DNAH6: variants seen among roughly 807,000 people sequenced by gnomAD.
DNAH6 encodes dynein axonemal heavy chain 6.
A neutral mutation model predicts 491.4 loss-of-function variants in DNAH6; 340 were observed. The ratio of observed to expected loss-of-function variants is 0.69; its 90% CI spans 0.63 to 0.76. DNAH6 has a LOEUF of 0.76. DNAH6 is among the 30% of genes least tolerant of loss of function. The pLI is 0.00. For missense variants in DNAH6, 4,443 were observed against 4,972.2 expected (o/e 0.89, Z 3.20); for synonymous variants, 1,603 against 1,686.1 (o/e 0.95, Z 1.21).
chr2:84,530,516 G>T (rs1677066646), intron 4 of DNAH6, among the ~76,000 whole-genome samples: 1 of 152,154 alleles, frequency 6.6e-6, no homozygotes, highest in South Asian at 2.1e-4. Context: ...GATATATCGT[G>T]CAAGACCTTG....
intron 65 of DNAH6, among the ~76,000 whole-genome samples, chr2:84,783,531 T>C (rs1214626069): frequency 6.6e-6 from 1 of 152,234 alleles, no homozygotes; most frequent in African/African-American, 2.4e-5. Context: ...ACAGTGTTAG[T>C]ATTGCTCTAG....
chr2:84,560,443 C>CT (rs66763177), intron 11 of DNAH6, among the ~76,000 whole-genome samples: 1 of 147,700 alleles, frequency 6.8e-6, no homozygotes, highest in African/African-American at 2.5e-5. Flanking sequence ...AAATAGTTTT[C>CT]TTTTTTTTTT....
the DNAH6 span, among the ~76,000 whole-genome samples, chr2:84,485,020 A>T: frequency 6.6e-6 from 1 of 152,196 alleles, no homozygotes; most frequent in Admixed American, 6.5e-5. Flanking sequence ...AGCTTTTGCT[A>T]ACAGTCTAAC....
chr2:84,649,173 A>G (rs546019997), intron 33 of DNAH6, among the ~76,000 whole-genome samples: 57 of 152,250 alleles, frequency 3.7e-4, no homozygotes, highest in Non-Finnish European at 4.1e-4. Context: ...ACAGTATAGC[A>G]TGAAGATTAA....
chr2:84,618,142 T>G (rs1434160943), intron 23 of DNAH6, among the ~76,000 whole-genome samples: 1 of 152,094 alleles, frequency 6.6e-6, no homozygotes, highest in African/African-American at 2.4e-5. Flanking sequence ...TAGAGCAAGT[T>G]TCATGCAGGG....
At chr2:84,575,616 G>A (rs567868995) in intron 12 of DNAH6, among the ~76,000 whole-genome samples, 1 of 152,330 alleles carries the variant, frequency 6.6e-6, no homozygotes, top group East Asian at 1.9e-4. Flanking sequence ...TCTCCGCGGT[G>A]GCTCACGCCT....
chr2:84,717,531 C>T (rs770329786), intron 58 of DNAH6, among the ~76,000 whole-genome samples: 7 of 152,130 alleles, frequency 4.6e-5, no homozygotes, highest in Non-Finnish European at 7.4e-5. Flanking sequence ...GTTTGTTCAC[C>T]TGCAAGCTGG....
chr2:84,656,992 T>G (rs1691035428), intron 35 of DNAH6, among the ~76,000 whole-genome samples: 1 of 152,102 alleles, frequency 6.6e-6, no homozygotes, highest in African/African-American at 2.4e-5. Context: ...TAATCCATTT[T>G]CAGTTAATTT....
At chr2:84,631,899 C>A (rs1053384135) in intron 29 of DNAH6, among the ~76,000 whole-genome samples, 4 of 152,156 alleles carry the variant, frequency 2.6e-5, no homozygotes, top group Non-Finnish European at 4.4e-5. Context: ...TGACCCTTCC[C>A]CAGAATTTTC....
the DNAH6 span, among the ~76,000 whole-genome samples, chr2:84,467,517 CAT>C: frequency 6.6e-6 from 1 of 152,214 alleles, no homozygotes. Context: ...GCTAACTCCA[CAT>C]GTCCCAAGGC....
chr2:84,800,703 TAAAGA>T (rs907614407), intron 70 of DNAH6, among the ~76,000 whole-genome samples: 4 of 151,622 alleles, frequency 2.6e-5, no homozygotes, highest in African/African-American at 9.7e-5. Flanking sequence ...CAGAAAAAAA[TAAAGA>T]AAAGAGAATT....
chr2:84,590,243 C>A (rs1438500400), intron 16 of DNAH6, among the ~76,000 whole-genome samples: 1 of 152,028 alleles, frequency 6.6e-6, no homozygotes, highest in Non-Finnish European at 1.5e-5. Flanking sequence ...CACCTGTACT[C>A]CCAGCACTTT....
intron 63 of DNAH6, among the ~76,000 whole-genome samples, chr2:84,751,387 A>G (rs17025540): frequency 0.014 from 2,120 of 152,328 alleles, 42 homozygotes; most frequent in African/African-American, 0.048. Flanking sequence ...CAACTGCTCT[A>G]TTGGGAGAAG....
intron 40 of DNAH6, 139 bp from the exon 41 acceptor site, chr2:84,676,866 G>A: frequency 1.1e-6 from 1 of 932,190 alleles, no homozygotes; most frequent in East Asian, 2.7e-5. Context: ...CTCTTGGAGT[G>A]ATTGTGAGAA....
chr2:84,679,279 T>C (rs1421166968), intron 41 of DNAH6, among the ~76,000 whole-genome samples: 1 of 152,164 alleles, frequency 6.6e-6, no homozygotes, highest in East Asian at 1.9e-4. Flanking sequence ...ATAGTGCATA[T>C]ATGCAGGGAG....
At chr2:84,767,300 C>T (rs1045795292) in intron 64 of DNAH6, among the ~76,000 whole-genome samples, 5 of 151,892 alleles carry the variant, frequency 3.3e-5, no homozygotes, top group South Asian at 2.1e-4. Flanking sequence ...TGGGAGTCTA[C>T]GTAGGAAGAT....
intron 62 of DNAH6, among the ~76,000 whole-genome samples, chr2:84,734,575 A>G (rs956644301): frequency 1.3e-5 from 2 of 152,184 alleles, no homozygotes; most frequent in Admixed American, 6.5e-5. Flanking sequence ...TTTTGTTTAT[A>G]TAAAATATTC....
At chr2:84,548,762 G>C (rs1169243340) in intron 8 of DNAH6, among the ~76,000 whole-genome samples, 1 of 152,158 alleles carries the variant, frequency 6.6e-6, no homozygotes, top group Non-Finnish European at 1.5e-5. Context: ...AGCAGCTCTG[G>C]GACTGTGAGC....
chr2:84,526,223 C>T (rs559581132), intron 3 of DNAH6, among the ~76,000 whole-genome samples: 1 of 151,328 alleles, frequency 6.6e-6, no homozygotes, highest in East Asian at 1.9e-4. Context: ...CTCTAGATAA[C>T]TGAAGAAAAA....
Sources: gnomAD v4.1 joint callset for allele counts (sites outside exome capture counted in the v4.1 genomes callset) on GRCh38, gnomAD v4.1.1 for gene constraint, MANE v1.5 for transcripts, NCBI Gene and HGNC (gene_info 2026-07-23, HGNC 2026-07-21) for gene names.